The following ROBO2 variants were observed in gnomAD, a reference collection of about 807,000 sequenced individuals.
ROBO2 encodes the protein roundabout guidance receptor 2, also known as roundabout homolog 2.
A neutral mutation model predicts 160.8 loss-of-function variants in ROBO2; 53 were observed. The observed-to-expected ratio is 0.33, with a 90% CI of 0.26 to 0.41. The LOEUF (loss-of-function observed/expected upper bound fraction) is 0.41, where lower values mean the gene tolerates loss of function less well. Among genes scored for constraint, ROBO2 ranks in the 10% least tolerant of loss-of-function variants. ROBO2 has a pLI of 1.00. For missense variants in ROBO2, 1,577 were observed against 1,722.4 expected (o/e 0.92, Z 1.49); for synonymous variants, 664 against 611.7 (o/e 1.09, Z -1.26).
chr3:77,477,317 C>A, intron 2 of ROBO2, 97 bp from the exon 3 acceptor site: 1 of 1,267,974 alleles, frequency 7.9e-7, no homozygotes, highest in Non-Finnish European at 1.2e-6. Context: ...GCAATTTTTA[C>A]TAGAACAAGG....
chr3:76,431,496 G>A (rs1357116581), intron 2 of ROBO2, among the ~76,000 whole-genome samples: 1 of 152,046 alleles, frequency 6.6e-6, no homozygotes, highest in Non-Finnish European at 1.5e-5. Context: ...GTAAATCTGA[G>A]GCCTTCATAT....
chr3:77,168,078 T>C (rs1232051751), intron 2 of ROBO2, among the ~76,000 whole-genome samples: 1 of 152,194 alleles, frequency 6.6e-6, no homozygotes, highest in Non-Finnish European at 1.5e-5. Flanking sequence ...ATAAAGTTGA[T>C]TCTACACATC....
At chr3:76,336,094 C>T (rs1251038740) in intron 2 of ROBO2, among the ~76,000 whole-genome samples, 3 of 152,130 alleles carry the variant, frequency 2.0e-5, no homozygotes, top group African/African-American at 7.2e-5. Flanking sequence ...ATTGAACTAG[C>T]ATTTGCCTGT....
At chr3:76,927,404 T>A (rs566185755) in intron 2 of ROBO2, among the ~76,000 whole-genome samples, 2 of 152,316 alleles carry the variant, frequency 1.3e-5, no homozygotes, top group South Asian at 4.1e-4. Context: ...AAAAGCTCTA[T>A]AGTTTTCTTC....
intron 4 of ROBO2, among the ~76,000 whole-genome samples, chr3:77,484,542 C>CAT (rs1378746553): frequency 7.2e-6 from 1 of 138,900 alleles, no homozygotes; most frequent in Non-Finnish European, 1.6e-5. Flanking sequence ...CACACACACA[C>CAT]ATATATTTCT....
chr3:76,597,914 T>C (rs965137544), intron 2 of ROBO2, among the ~76,000 whole-genome samples: 32 of 152,170 alleles, frequency 2.1e-4, no homozygotes, highest in African/African-American at 7.7e-4. Flanking sequence ...ATGGTATATA[T>C]GTACCACATT....
chr3:76,348,514 A>G (rs1196049589), intron 2 of ROBO2, among the ~76,000 whole-genome samples: 1 of 152,128 alleles, frequency 6.6e-6, no homozygotes, highest in African/African-American at 2.4e-5. Flanking sequence ...GAATTAGGCT[A>G]CTTCTCCTGA....
chr3:76,694,671 A>T (rs1025784937), intron 2 of ROBO2, among the ~76,000 whole-genome samples: 1 of 152,184 alleles, frequency 6.6e-6, no homozygotes, highest in African/African-American at 2.4e-5. Flanking sequence ...ATGTACTTTT[A>T]TCAACTCAGT....
At chr3:77,266,766 T>C (rs1478428061) in intron 2 of ROBO2, among the ~76,000 whole-genome samples, 5 of 152,144 alleles carry the variant, frequency 3.3e-5, no homozygotes, top group Non-Finnish European at 7.4e-5. Flanking sequence ...CATTGGAAGA[T>C]TGTTGTGAGA....
chr3:76,188,567 A>G (rs1208811071), intron 2 of ROBO2, among the ~76,000 whole-genome samples: 1 of 152,098 alleles, frequency 6.6e-6, no homozygotes, highest in Non-Finnish European at 1.5e-5. Flanking sequence ...TTGTGAGGGA[A>G]TAAATTTCTG....
intron 2 of ROBO2, among the ~76,000 whole-genome samples, chr3:76,001,982 G>A (rs752076144): frequency 7.9e-5 from 12 of 152,140 alleles, no homozygotes; most frequent in Non-Finnish European, 1.5e-4. Flanking sequence ...TAGCACTATT[G>A]TCTTTTATAA....
intron 2 of ROBO2, among the ~76,000 whole-genome samples, chr3:76,151,624 C>T (rs1425525724): frequency 6.6e-6 from 1 of 152,120 alleles, no homozygotes; most frequent in African/African-American, 2.4e-5. Flanking sequence ...GTAAATCCCC[C>T]AGACTCCAGA....
At chr3:76,410,761 C>A (rs1490691944) in intron 2 of ROBO2, among the ~76,000 whole-genome samples, 3 of 152,188 alleles carry the variant, frequency 2.0e-5, no homozygotes, top group South Asian at 2.1e-4. Flanking sequence ...ATATACATGT[C>A]TTTAATGGTA....
chr3:76,962,638 CAGAA>C (rs2079756797), intron 2 of ROBO2, among the ~76,000 whole-genome samples: 5 of 50,286 alleles, frequency 9.9e-5, no homozygotes, highest in African/African-American at 2.3e-4. Context: ...AACTCGATCT[CAGAA>C]AAAAAAAAAA....
intron 2 of ROBO2, among the ~76,000 whole-genome samples, chr3:76,992,158 A>G (rs1458443380): frequency 6.6e-6 from 1 of 151,802 alleles, no homozygotes; most frequent in Non-Finnish European, 1.5e-5. Context: ...CAGAGTTACC[A>G]AAGAACTATT....
intron 2 of ROBO2, among the ~76,000 whole-genome samples, chr3:76,658,641 C>G: frequency 6.6e-6 from 1 of 152,156 alleles, no homozygotes; most frequent in East Asian, 1.9e-4. Context: ...CCAGCTTCAT[C>G]CATGTCTCTG....
intron 2 of ROBO2, among the ~76,000 whole-genome samples, chr3:77,373,881 A>C (rs1417640383): frequency 1.3e-5 from 2 of 151,632 alleles, no homozygotes; most frequent in African/African-American, 2.4e-5. Context: ...AAAAAAAAAA[A>C]AAAATGTTGG....
At chr3:76,218,048 C>T (rs898942784) in intron 2 of ROBO2, among the ~76,000 whole-genome samples, 1 of 152,042 alleles carries the variant, frequency 6.6e-6, no homozygotes, top group Non-Finnish European at 1.5e-5. Flanking sequence ...ATAAACAGAA[C>T]CAAAGACAAA....
At chr3:77,475,491 G>A (rs1003916879) in intron 2 of ROBO2, among the ~76,000 whole-genome samples, 6 of 152,120 alleles carry the variant, frequency 3.9e-5, no homozygotes, top group African/African-American at 1.4e-4. Context: ...AATGGTATTA[G>A]GTACTACTTG....
Sources: allele counts gnomAD v4.1 joint callset (sites outside exome capture counted in the v4.1 genomes callset), GRCh38; gene constraint gnomAD v4.1.1; transcripts MANE v1.5; gene names NCBI Gene and HGNC (gene_info 2026-07-23, HGNC 2026-07-21).